The following CAPN3 variants were observed in gnomAD, a reference collection of about 807,000 sequenced individuals.
CAPN3 encodes the protein calpain 3, also known as calpain-3.
CAPN3 carries 88 observed loss-of-function variants against 114.0 expected under a neutral mutation model. That is an observed-to-expected ratio of 0.77 (90% CI 0.65 to 0.92). The LOEUF (loss-of-function observed/expected upper bound fraction) is 0.92, where lower values mean the gene tolerates loss of function less well. CAPN3 is among the 40% of genes least tolerant of loss of function. CAPN3 has a pLI of 0.00. For missense variants in CAPN3, 1,028 were observed against 1,069.0 expected (o/e 0.96, Z 0.53); for synonymous variants, 386 against 382.9 (o/e 1.01, Z -0.09).
At chr15:42,398,432 A>G (rs1454171007) in intron 9 of CAPN3, among the ~76,000 whole-genome samples, 4 of 152,040 alleles carry the variant, frequency 2.6e-5, no homozygotes, top group South Asian at 2.1e-4. Context: ...AAAAATACAA[A>G]AATTAGCCAG....
chr15:42,388,057 C>T (rs563900584), intron 4 of CAPN3, among the ~76,000 whole-genome samples, 171 bp downstream of exon 4: 2 of 152,332 alleles, frequency 1.3e-5, no homozygotes, highest in African/African-American at 2.4e-5. Context: ...GCAACAACAG[C>T]TCTAACTAAA....
intron 7 of CAPN3, among the ~76,000 whole-genome samples, chr15:42,393,437 G>A (rs538926202): frequency 7.9e-5 from 12 of 152,224 alleles, no homozygotes; most frequent in Non-Finnish European, 1.5e-4. Context: ...AGACAGGAAC[G>A]TTGTAAGACC....
At position 42,394,360 on chromosome 15, in the gene CAPN3, C is replaced by T. The variant is rs1007123833; in HGVS notation, c.1115+19C>T. ...GTGATAGGTAGGTGAGGGGACCCCA[C>T]GGGATTGGCGGTGGCGGGGAACAGG... On this transcript the variant is annotated intron_variant, in intron 8 of 23. Coordinates refer to ENST00000397163, the MANE Select transcript of CAPN3 (RefSeq NM_000070.3). 1.6e-5 allele frequency: 24 copies of T among 1,545,568 alleles called. No homozygotes were observed. Among genetic ancestry groups the T allele is most frequent in the Admixed American group, 7.8e-5 (4 of 51,104 alleles).
rs867985966 is a variant in CAPN3, at chr15:42,412,087, C to T, written c.*314C>T. On this transcript the variant is annotated 3_prime_UTR_variant, in exon 24 of 24. Transcript: ENST00000397163. Reference sequence around the variant, plus strand: ...GTGCTCCTGCTTACCTTGCTCTAGGCTGTCTGCAGAAGCACCTGCCGGTGG... The same window carrying T: ...GTGCTCCTGCTTACCTTGCTCTAGGTTGTCTGCAGAAGCACCTGCCGGTGG... 6.5e-6 allele frequency: 10 copies of T among 1,534,712 alleles called. No homozygotes were observed. Among genetic ancestry groups the T allele is most frequent in the Non-Finnish European group, 7.9e-6 (9 of 1,146,468 alleles).
intron 12 of CAPN3, 136 bp from the exon 13 acceptor site, chr15:42,402,658 G>C: frequency 1.9e-6 from 3 of 1,546,134 alleles, no homozygotes; most frequent in Non-Finnish European, 2.6e-6. Flanking sequence ...TTAAGCCTTG[G>C]GAGTCGGAAG....
At position 42,390,235 on chromosome 15, in the gene CAPN3, A is replaced by G. The variant is rs1006975937; in HGVS notation, c.945+139A>G. The G allele has an allele frequency of 7.4e-6, 7 of 948,720 alleles. No homozygotes were observed. In the African/African-American group the frequency reaches 1.1e-4, roughly 15 times the overall value. 58.8% of individuals were successfully genotyped at this position (948,720 alleles called of 1,614,324 possible). A position where few individuals can be genotyped will look rare whatever the true frequency, so the allele number is the denominator to read the frequency against. On this transcript the variant is annotated intron_variant, in intron 6 of 23. Coordinates refer to ENST00000397163, the MANE Select transcript of CAPN3 (RefSeq NM_000070.3). ...GCACCTCCCAAGGGTCTGGGTTGAA[A>G]TAACTTGCTCAGCCAAGGCTCCTGA... is the stretch of plus-strand genomic sequence containing the variant.
In CAPN3 at chr15:42,396,893, A is replaced by G; in HGVS notation, c.1193+16A>G. 1 of 1,588,408 alleles carries G rather than the reference A, an allele frequency of 6.3e-7. No homozygotes were observed. The highest frequency in any genetic ancestry group is 8.6e-7 in the Non-Finnish European group (1 of 1,156,680). ...GAGAGTTCTGGTGAGTCCAGAACCC[A>G]GGAAGACCCAGAAGGGTAAGGGTGG... is the stretch of plus-strand genomic sequence containing the variant. On this transcript the variant is annotated intron_variant, in intron 9 of 23. Coordinates refer to ENST00000397163, the MANE Select transcript of CAPN3 (RefSeq NM_000070.3).
intron 11 of CAPN3, 85 bp from the exon 12 acceptor site, chr15:42,402,039 C>A (rs988728212): frequency 1.9e-6 from 3 of 1,554,690 alleles, no homozygotes; most frequent in Non-Finnish European, 2.7e-6. Context: ...CTTCCGCATG[C>A]GGGCTGCAGT....
At chr15:42,404,313 C>G in intron 14 of CAPN3, 1 of 456,524 alleles carries the variant, frequency 2.2e-6, no homozygotes, top group Non-Finnish European at 4.4e-6. Context: ...TGTGAAGTGT[C>G]TGGCACAGCA....
intron 4 of CAPN3, 127 bp downstream of exon 4, chr15:42,388,013 C>A: frequency 3.9e-6 from 4 of 1,037,922 alleles, no homozygotes; most frequent in Non-Finnish European, 6.0e-6. Context: ...GCATGCAAGT[C>A]CAACTGTGAC....
At chr15:42,370,321 C>G (rs1314144408) in intron 1 of CAPN3, among the ~76,000 whole-genome samples, 2 of 152,100 alleles carry the variant, frequency 1.3e-5, no homozygotes, top group East Asian at 1.9e-4. Context: ...CTGTGTTACT[C>G]AGTTCTGAAA....
At chr15:42,411,681 C>G (rs1378451190) in intron 23 of CAPN3, 66 bp from the exon 24 acceptor site, 1 of 772,896 alleles carries the variant, frequency 1.3e-6, no homozygotes, top group African/African-American at 3.5e-5. Context: ...CCGTAAGATT[C>G]CTAGGGCGGG....
intron 12 of CAPN3, 141 bp from the exon 13 acceptor site, chr15:42,402,653 C>G: frequency 6.5e-7 from 1 of 1,543,768 alleles, no homozygotes; most frequent in Non-Finnish European, 8.7e-7. Flanking sequence ...GCTATTTAAG[C>G]CTTGGGAGTC....
chr15:42,368,491 TAAAC>T lies in CAPN3; in HGVS notation c.309+8380_309+8383del, dbSNP rs566525078. 8.5e-5 allele frequency among the ~76,000 whole-genome samples: 13 copies of T among 152,262 alleles called. No homozygotes were observed. The East Asian group carries it at 2.1e-3, about 25-fold the overall frequency. On this transcript the variant is annotated intron_variant, in intron 1 of 23. Transcript: ENST00000397163. ...TCAATGTTATTGAATCATCAATCAATAAACAATAATTTAATGAATCAATATTAAA... is the reference window on the plus strand; with the variant it reads ...TCAATGTTATTGAATCATCAATCAATAATAATTTAATGAATCAATATTAAA...
At chr15:42,402,295 A>G in intron 12 of CAPN3, 160 bp downstream of exon 12, 9 of 1,576,930 alleles carry the variant, frequency 5.7e-6, no homozygotes, top group South Asian at 2.3e-5. Context: ...CAGGTGCCTC[A>G]GGGCATTGCA....
intron 9 of CAPN3, among the ~76,000 whole-genome samples, chr15:42,398,835 C>T (rs2141191999): frequency 7.4e-6 from 1 of 135,386 alleles, no homozygotes; most frequent in South Asian, 2.4e-4. Context: ...CCCAGGCTGG[C>T]ATACAATGGC....
At chr15:42,411,440 CCA>C in intron 23 of CAPN3, 95 bp downstream of exon 23, 1 of 1,131,754 alleles carries the variant, frequency 8.8e-7, no homozygotes, top group South Asian at 1.2e-5. Context: ...CTCCTCATTT[CCA>C]CACAGTGGTG....
chr15:42,404,044 G>T, intron 14 of CAPN3: 1 of 582,852 alleles, frequency 1.7e-6, no homozygotes, highest in Non-Finnish European at 3.2e-6. Flanking sequence ...AACAATCGGA[G>T]GGAACAAGGC....
intron 1 of CAPN3, among the ~76,000 whole-genome samples, chr15:42,378,106 C>T (rs1166908021): frequency 1.3e-5 from 2 of 152,200 alleles, no homozygotes; most frequent in African/African-American, 2.4e-5. Context: ...CCAAGCCGCT[C>T]ACAGATACTA....
Sources: gnomAD v4.1 joint callset for allele counts (sites outside exome capture counted in the v4.1 genomes callset) on GRCh38, gnomAD v4.1.1 for gene constraint, MANE v1.5 for transcripts, NCBI Gene and HGNC (gene_info 2026-07-23, HGNC 2026-07-21) for gene names.